The following FAM135B variants were observed in gnomAD, a reference collection of about 807,000 sequenced individuals.
The protein encoded by FAM135B is protein FAM135B.
In FAM135B, 43 loss-of-function variants were observed where a neutral mutation model predicts 127.7. The ratio of observed to expected loss-of-function variants is 0.34; its 90% CI spans 0.26 to 0.43. The LOEUF (loss-of-function observed/expected upper bound fraction) is 0.43, where lower values mean the gene tolerates loss of function less well. FAM135B is among the 20% of genes least tolerant of loss of function. The pLI, the probability that FAM135B is intolerant of heterozygous loss-of-function variation, is 1.00. For missense variants in FAM135B, 1,558 were observed against 1,725.6 expected, an observed-to-expected ratio of 0.90 and a Z score of 1.72; for synonymous variants, 670 against 665.1, an observed-to-expected ratio of 1.01 and a Z score of -0.11.
At chr8:138,388,181 A>T (rs1421657196) in intron 1 of FAM135B, among the ~76,000 whole-genome samples, 3 of 152,212 alleles carry the variant, frequency 2.0e-5, no homozygotes, top group Non-Finnish European at 4.4e-5. Context: ...AATGCAAAAG[A>T]AAACAACAAT....
chr8:138,233,845 T>C (rs1473573582), intron 7 of FAM135B, among the ~76,000 whole-genome samples: 2 of 151,890 alleles, frequency 1.3e-5, no homozygotes, highest in Non-Finnish European at 2.9e-5. Context: ...AATAAATAAA[T>C]AAACTTGATT....
Position 138,153,484 on chromosome 8 carries a change from G to A in FAM135B, c.1259-268C>T, listed in dbSNP as rs188717041. Reference sequence around the variant, plus strand: ...CACGGAGTGTGAGACAAAGCAGGGCGGGGCATCACCTCACCCAGGAAGTGC... The same window carrying A: ...CACGGAGTGTGAGACAAAGCAGGGCAGGGCATCACCTCACCCAGGAAGTGC... On this transcript the variant is annotated intron_variant, in intron 12 of 19. Coordinates refer to ENST00000395297, the MANE Select transcript of FAM135B (RefSeq NM_015912.4). 5.3e-5 allele frequency among the ~76,000 whole-genome samples: 8 copies of A among 152,186 alleles called. No individual in the cohort carries two copies. The East Asian group carries it at 1.2e-3, about 22-fold the overall frequency.
At position 138,192,565 on chromosome 8, in the gene FAM135B, G is replaced by A. The variant is rs1036896807; in HGVS notation, c.873+2693C>T. Among the ~76,000 whole-genome samples, 9 of 151,216 alleles carry A rather than the reference G, an allele frequency of 6.0e-5. No individual in the cohort carries two copies. The South Asian group carries it at 8.5e-4, about 14-fold the overall frequency. On this transcript the variant is annotated intron_variant, in intron 9 of 19. Coordinates refer to ENST00000395297, the MANE Select transcript of FAM135B (RefSeq NM_015912.4). Reference sequence around the variant, plus strand: ...GATATTTGCAGACCCTGCACTTGACGGATCAGTTGGTATCACCCAGATTGA... The same window carrying A: ...GATATTTGCAGACCCTGCACTTGACAGATCAGTTGGTATCACCCAGATTGA...
intron 2 of FAM135B, among the ~76,000 whole-genome samples, chr8:138,341,605 A>C (rs1829053516): frequency 6.6e-6 from 1 of 152,076 alleles, no homozygotes; most frequent in African/African-American, 2.4e-5. Context: ...ATTTTACCAA[A>C]ATTGAAAAAA....
chr8:138,226,149 CCG>C (rs1491137588), intron 7 of FAM135B, among the ~76,000 whole-genome samples: 1 of 91,440 alleles, frequency 1.1e-5, no homozygotes, highest in Non-Finnish European at 2.2e-5. Flanking sequence ...TGGGGACCCA[CCG>C]TGTGTGTGTG....
chr8:138,151,320 G>T lies in FAM135B; in HGVS notation c.3155C>A (p.Pro1052His). The change falls in exon 13 of 20, where the codon CCT becomes CAT. Residue 1052 changes from proline to histidine, a missense_variant. This residue lies in a region of FAM135B where 923 missense variants were observed against 865.3 expected (regional missense o/e 1.07). Transcript: ENST00000395297. ...LPFSSVPKETPARAGFSSKQT... is the reference protein window; with the variant it reads ...LPFSSVPKETHARAGFSSKQT... ...TTTGGAAGAGAATCCAGCCCTGGCA[G>T]GGGTCTCCTTGGGCACAGATGAGAA... 6.2e-7 allele frequency: 1 copy of T among 1,614,044 alleles called. No homozygotes were observed. Among genetic ancestry groups the T allele is most frequent in the Non-Finnish European group, 8.5e-7 (1 of 1,180,012 alleles).
In FAM135B at chr8:138,335,570, A is replaced by G. The variant is rs1234459673; in HGVS notation, c.78-24650T>C. On this transcript the variant is annotated intron_variant, in intron 2 of 19. Coordinates refer to ENST00000395297, the MANE Select transcript of FAM135B (RefSeq NM_015912.4). ...AAGAAGATCTAACTATCCTAAATAT[A>G]TATGCACCCAATACAGGAGCACCCA... Among the ~76,000 whole-genome samples, 3 of 152,200 alleles carry G rather than the reference A, an allele frequency of 2.0e-5. No homozygotes were observed. In the East Asian group the frequency reaches 5.8e-4, roughly 29 times the overall value.
At chr8:138,191,172 C>T (rs1816086384) in intron 9 of FAM135B, among the ~76,000 whole-genome samples, 1 of 152,234 alleles carries the variant, frequency 6.6e-6, no homozygotes, top group African/African-American at 2.4e-5. Flanking sequence ...CGGCATTTTG[C>T]CCCAAGCTCT....
intron 1 of FAM135B, among the ~76,000 whole-genome samples, chr8:138,422,878 C>G (rs1441318782): frequency 6.6e-6 from 1 of 152,138 alleles, no homozygotes; most frequent in Non-Finnish European, 1.5e-5. Context: ...TATCCATTAA[C>G]AGTGGACTGA....
intron 1 of FAM135B, among the ~76,000 whole-genome samples, chr8:138,403,744 C>G (rs1394626090): frequency 1.3e-5 from 2 of 151,132 alleles, no homozygotes; most frequent in Non-Finnish European, 3.0e-5. Flanking sequence ...TGCCCATTCC[C>G]CTCCCCCAAA....
At chr8:138,180,529 C>G (rs1001100525) in intron 9 of FAM135B, among the ~76,000 whole-genome samples, 3 of 152,090 alleles carry the variant, frequency 2.0e-5, no homozygotes, top group South Asian at 2.1e-4. Flanking sequence ...TGAGGAGATC[C>G]AAGTCCAATG....
chr8:138,461,773 T>C (rs1017073124), intron 1 of FAM135B, among the ~76,000 whole-genome samples: 1 of 152,174 alleles, frequency 6.6e-6, no homozygotes, highest in Non-Finnish European at 1.5e-5. Context: ...CAGGCCTGCC[T>C]TCCTCTACAA....
chr8:138,472,960 C>T (rs1468834393), intron 1 of FAM135B, among the ~76,000 whole-genome samples: 1 of 152,172 alleles, frequency 6.6e-6, no homozygotes, highest in African/African-American at 2.4e-5. Flanking sequence ...CATATAAGTC[C>T]TGCACATCCA....
Position 138,346,100 on chromosome 8 carries a change from AG to A in FAM135B, c.77+21806del, listed in dbSNP as rs1829391897. ...AGAAATGCAAATCAAAACCACAATG[AG>A]ATACCATCTCACGCCAGTCAGAATG... On this transcript the variant is annotated intron_variant, in intron 2 of 19. Transcript: ENST00000395297. Among the ~76,000 whole-genome samples, 4 of 152,340 alleles carry A rather than the reference AG, an allele frequency of 2.6e-5. No individual in the cohort carries two copies. The South Asian group carries it at 8.3e-4, about 32-fold the overall frequency.
intron 1 of FAM135B, among the ~76,000 whole-genome samples, chr8:138,451,600 T>C (rs954922247): frequency 6.6e-6 from 1 of 152,216 alleles, no homozygotes; most frequent in Admixed American, 6.5e-5. Context: ...CAAATGAACA[T>C]AGAGGTTTGA....
At position 138,341,888 on chromosome 8, in the gene FAM135B, A is replaced by G. The variant is rs74574896; in HGVS notation, c.77+26019T>C. On this transcript the variant is annotated intron_variant, in intron 2 of 19. Coordinates refer to ENST00000395297, the MANE Select transcript of FAM135B (RefSeq NM_015912.4). ...GCTTAGTCAACCTCCTCATCTCCCCAGAAGTTCACTAATAAGCCTTTAACA... is the reference window on the plus strand; with the variant it reads ...GCTTAGTCAACCTCCTCATCTCCCCGGAAGTTCACTAATAAGCCTTTAACA... Among the ~76,000 whole-genome samples, 815 of 152,296 alleles carry G rather than the reference A, an allele frequency of 5.4e-3. 5 individuals carry two copies. Among genetic ancestry groups the G allele is most frequent in the Non-Finnish European group, 7.4e-3 (505 of 68,024 alleles).
chr8:138,232,977 T>C (rs1280415684), intron 7 of FAM135B, among the ~76,000 whole-genome samples: 1 of 152,186 alleles, frequency 6.6e-6, no homozygotes, highest in Non-Finnish European at 1.5e-5. Flanking sequence ...ACCACTATTA[T>C]ACTATCTTTT....
intron 9 of FAM135B, among the ~76,000 whole-genome samples, chr8:138,191,911 T>C (rs182254469): frequency 6.6e-6 from 1 of 152,200 alleles, no homozygotes; most frequent in Non-Finnish European, 1.5e-5. Flanking sequence ...CCAGACCTCA[T>C]GGACTTCATC....
chr8:138,292,674 C>A (rs1825201971), intron 3 of FAM135B, among the ~76,000 whole-genome samples: 1 of 151,928 alleles, frequency 6.6e-6, no homozygotes, highest in Non-Finnish European at 1.5e-5. Context: ...GTCCAAATAG[C>A]CAATGGGGTG....
Sources: gnomAD v4.1 joint callset for allele counts (sites outside exome capture counted in the v4.1 genomes callset) on GRCh38, gnomAD v4.1.1 for gene constraint, gnomAD v4.1.1 regional missense constraint, MANE v1.5 for transcripts, NCBI Gene and HGNC (gene_info 2026-07-23, HGNC 2026-07-21) for gene names.